The following RNF182 variants were observed in gnomAD, a reference collection of about 807,000 sequenced individuals.
The protein encoded by RNF182 is ring finger protein 182, also known as E3 ubiquitin-protein ligase RNF182.
Under a neutral mutation model 14.4 loss-of-function variants are expected in RNF182, and 15 were observed. That is an observed-to-expected ratio of 1.04 (90% CI 0.70 to 1.60). The LOEUF is 1.60. Ranked by LOEUF, RNF182 falls within the 40% of genes most tolerant of loss-of-function variation. The pLI is 0.00. For missense variants in RNF182, 268 were observed against 294.8 expected (o/e 0.91, Z 0.67); for synonymous variants, 128 against 122.9 (o/e 1.04, Z -0.27).
In RNF182 at chr6:13,945,452, T is replaced by C. The variant is rs551341259; in HGVS notation, c.-367+20429T>C. Among the ~76,000 whole-genome samples, 4 of 152,308 alleles carry C rather than the reference T, an allele frequency of 2.6e-5. No homozygotes were observed. The East Asian group carries it at 5.8e-4, about 22-fold the overall frequency. On this transcript the variant is annotated intron_variant, in intron 1 of 2. Transcript: ENST00000488300. ...TCAGCAGTGCCCCTCAGAGCCCGTT[T>C]AGATGATTTTGCAGAGCTTTCTGTT... is the stretch of plus-strand genomic sequence containing the variant.
chr6:13,975,563 G>A (rs1472351944), intron 2 of RNF182, among the ~76,000 whole-genome samples: 2 of 152,224 alleles, frequency 1.3e-5, no homozygotes, highest in South Asian at 2.1e-4. Flanking sequence ...ACTGCTATCC[G>A]TTACACATTC....
At position 13,978,657 on chromosome 6, in the gene RNF182, T is replaced by C. The variant is rs1334265031; in HGVS notation, c.*794T>C. 3 of 167,076 alleles carry C rather than the reference T, an allele frequency of 1.8e-5. No homozygotes were observed. The highest frequency in any genetic ancestry group is 7.2e-5 in the African/African-American group (3 of 41,454). 10.3% of individuals were successfully genotyped at this position (167,076 alleles called of 1,614,324 possible). On this transcript the variant is annotated 3_prime_UTR_variant, in exon 3 of 3. Coordinates refer to ENST00000488300, the MANE Select transcript of RNF182 (RefSeq NM_152737.4). ...TGATGAAAACCTTCATTTGAGTCTT[T>C]CCTTATAACATCTTAGTTTTGGTTT...
At chr6:13,959,190 C>T (rs1759802754) in intron 1 of RNF182, among the ~76,000 whole-genome samples, 1 of 152,158 alleles carries the variant, frequency 6.6e-6, no homozygotes, top group Non-Finnish European at 1.5e-5. Flanking sequence ...ACAAAACAGA[C>T]TAAGGCAAGA....
chr6:13,929,565 A>T (rs1228266400), intron 1 of RNF182, among the ~76,000 whole-genome samples: 1 of 152,218 alleles, frequency 6.6e-6, no homozygotes, highest in Non-Finnish European at 1.5e-5. Context: ...CTGTCAATCA[A>T]ACCTTTATGA....
chr6:13,931,067 G>T (rs1215298428), intron 1 of RNF182, among the ~76,000 whole-genome samples: 1 of 152,180 alleles, frequency 6.6e-6, no homozygotes, highest in East Asian at 1.9e-4. Flanking sequence ...GGCTGGCTGA[G>T]AAGGAGGAGG....
At position 13,956,497 on chromosome 6, in the gene RNF182, G is replaced by A. The variant is rs544459063; in HGVS notation, c.-366-17713G>A. ...ATGCCACCACACCCAGCTAATTTTT[G>A]TATTTTCAGCAGAGATGGGGTTTCA... On this transcript the variant is annotated intron_variant, in intron 1 of 2. Transcript: ENST00000488300. 2.0e-5 allele frequency among the ~76,000 whole-genome samples: 3 copies of A among 151,990 alleles called. No individual in the cohort carries two copies. The South Asian group carries it at 6.2e-4, about 32-fold the overall frequency.
intron 1 of RNF182, among the ~76,000 whole-genome samples, chr6:13,947,256 G>C (rs1759460786): frequency 6.6e-6 from 1 of 152,130 alleles, no homozygotes; most frequent in South Asian, 2.1e-4. Flanking sequence ...CTAAATTGCA[G>C]AAAAAACTCA....
intron 1 of RNF182, among the ~76,000 whole-genome samples, chr6:13,952,596 T>G (rs973719373): frequency 3.3e-5 from 5 of 152,118 alleles, no homozygotes; most frequent in African/African-American, 1.2e-4. Flanking sequence ...CAGACGATTT[T>G]CCTTTGGTTA....
Position 13,924,972 on chromosome 6 carries a change from A to T in RNF182, c.-418A>T, listed in dbSNP as rs1488135535. On this transcript the variant is annotated 5_prime_UTR_variant, in exon 1 of 3. Transcript: ENST00000488300. ...TCCACGGGAACCTCCCTCCCCTCCC[A>T]GGCGCCGCCGCAGCCGGAGCGGCTC... The T allele has an allele frequency of 3.5e-5, 1 of 28,256 alleles. No individual in the cohort carries two copies. Among genetic ancestry groups the T allele is most frequent in the Non-Finnish European group, 7.1e-5 (1 of 14,178 alleles). The allele number at this position is 28,256 out of a possible 1,614,324, so 1.8% of individuals were successfully genotyped here.
intron 1 of RNF182, among the ~76,000 whole-genome samples, chr6:13,964,862 C>G (rs377357528): frequency 1.3e-5 from 2 of 152,296 alleles, no homozygotes; most frequent in East Asian, 3.9e-4. Flanking sequence ...TCCTTTGGAG[C>G]AGGAGACCTT....
intron 1 of RNF182, among the ~76,000 whole-genome samples, chr6:13,935,384 C>T (rs973181074): frequency 6.6e-6 from 1 of 151,936 alleles, no homozygotes; most frequent in Non-Finnish European, 1.5e-5. Context: ...ACTTAACTGT[C>T]AATTCAGCAT....
In RNF182 at chr6:13,977,135, C is replaced by T. The variant is rs1384051089; in HGVS notation, c.16C>T (p.Pro6Ser). 7 of 1,613,492 alleles carry T rather than the reference C, an allele frequency of 4.3e-6. No homozygotes were observed. In the South Asian group the frequency reaches 7.7e-5, roughly 18 times the overall value. The stretch of plus-strand genomic sequence containing the variant: ...ATAATTCAAGATGGCCAGTCAACCT[C>T]CTGAAGACACTGCGGAGTCTCAGGC... MASQP[P>S]EDTAESQASD... The change falls in exon 3 of 3, where the codon CCT becomes TCT. Residue 6 changes from proline (P) to serine (S), a missense_variant. By Grantham distance (74) the Pro-to-Ser change is moderately conservative. Coordinates refer to ENST00000488300, the MANE Select transcript of RNF182 (RefSeq NM_152737.4).
Position 13,977,033 on chromosome 6 carries a change from GGAT to G in RNF182, c.-83_-81del. 1 of 1,377,922 alleles carries G rather than the reference GGAT, an allele frequency of 7.3e-7. No homozygotes were observed. The highest frequency in any genetic ancestry group is 1.4e-5 in the South Asian group (1 of 72,240). 85.4% of individuals were successfully genotyped at this position (1,377,922 alleles called of 1,614,324 possible). On this transcript the variant is annotated 5_prime_UTR_variant, in exon 3 of 3. The change abolishes an upstream ATG in the 5' untranslated region. Coordinates refer to ENST00000488300, the MANE Select transcript of RNF182 (RefSeq NM_152737.4). Reference sequence around the variant, plus strand: ...GCCTTTTTGCATCGCTGCCAGATTTGGATGATATGATATTCAGAGGGGCACCTT... The same window carrying G: ...GCCTTTTTGCATCGCTGCCAGATTTGGATATGATATTCAGAGGGGCACCTT...
Position 13,977,680 on chromosome 6 carries a change from G to T in RNF182, c.561G>T (p.Trp187Cys). 6.2e-7 allele frequency: 1 copy of T among 1,614,160 alleles called. No individual in the cohort carries two copies. The highest frequency in any genetic ancestry group is 8.5e-7 in the Non-Finnish European group (1 of 1,180,010). Residue 187 changes from tryptophan (W) to cysteine (C), a missense_variant, in exon 3 of 3, where the codon TGG (tryptophan) becomes TGT (cysteine). By Grantham distance (215) the Trp-to-Cys change is radical. Transcript: ENST00000488300. ...LFQTSIRVLVWLLGLLYFSSL... is the reference protein window; with the variant it reads ...LFQTSIRVLVCLLGLLYFSSL... ...AGACATCCATCCGGGTGTTAGTGTG[G>T]TTGCTAGGTTTGCTCTACTTCAGCT...
At chr6:13,935,696 A>C (rs1226372657) in intron 1 of RNF182, among the ~76,000 whole-genome samples, 1 of 152,232 alleles carries the variant, frequency 6.6e-6, no homozygotes, top group African/African-American at 2.4e-5. Flanking sequence ...AATCATGATA[A>C]TGTATGGATA....
intron 1 of RNF182, among the ~76,000 whole-genome samples, chr6:13,951,430 G>A (rs560557954): frequency 4.6e-5 from 7 of 152,336 alleles, no homozygotes; most frequent in African/African-American, 1.7e-4. Flanking sequence ...TTATCTCTCA[G>A]TTGGGGTGGG....
chr6:13,961,294 T>G (rs1179437034), intron 1 of RNF182, among the ~76,000 whole-genome samples: 1 of 152,242 alleles, frequency 6.6e-6, no homozygotes, highest in East Asian at 1.9e-4. Flanking sequence ...GATCCATTAT[T>G]TCTAAATTTC....
chr6:13,977,732 G>C lies in RNF182; in HGVS notation c.613G>C (p.Val205Leu). 1.2e-6 allele frequency: 2 copies of C among 1,614,128 alleles called. No homozygotes were observed. The highest frequency in any genetic ancestry group is 1.7e-6 in the Non-Finnish European group (2 of 1,180,028). Residue 205 changes from valine to leucine, a missense_variant, in exon 3 of 3, where the codon GTG becomes CTG. Physicochemically the swap from Val to Leu is conservative, Grantham distance 32. Coordinates refer to ENST00000488300, the MANE Select transcript of RNF182 (RefSeq NM_152737.4). ...SSLPLGIYLL[V>L]SKKVTLGVVF... ...CTTACCCTTAGGAATCTACTTACTG[G>C]TGTCTAAGAAAGTCACCCTTGGGGT... is the stretch of plus-strand genomic sequence containing the variant.
At chr6:13,951,845 A>T (rs1016802460) in intron 1 of RNF182, among the ~76,000 whole-genome samples, 2 of 152,198 alleles carry the variant, frequency 1.3e-5, no homozygotes, top group African/African-American at 4.8e-5. Flanking sequence ...CCAACAGGCT[A>T]TGTGGGGGAA....
Sources: gnomAD v4.1 joint callset for allele counts (sites outside exome capture counted in the v4.1 genomes callset) on GRCh38, gnomAD v4.1.1 for gene constraint, MANE v1.5 for transcripts, NCBI Gene and HGNC (gene_info 2026-07-23, HGNC 2026-07-21) for gene names.